GPCPD1: variants seen among roughly 807,000 people sequenced by gnomAD.
The protein encoded by GPCPD1 is glycerophosphocholine phosphodiesterase 1.
Under a neutral mutation model 89.2 loss-of-function variants are expected in GPCPD1, and 29 were observed. That is an observed-to-expected ratio of 0.33 (90% CI 0.24 to 0.44). The LOEUF is 0.44. Among genes scored for constraint, GPCPD1 ranks in the 20% least tolerant of loss-of-function variants. The pLI, the probability that GPCPD1 is intolerant of heterozygous loss-of-function variation, is 1.00. For synonymous variants in GPCPD1, 258 were observed against 266.3 expected, an observed-to-expected ratio of 0.97 and a Z score of 0.30; for missense variants, 594 against 808.9, an observed-to-expected ratio of 0.73 and a Z score of 3.22.
intron 19 of GPCPD1, among the ~76,000 whole-genome samples, chr20:5,551,134 G>C (rs770690236): frequency 3.3e-5 from 5 of 152,174 alleles, no homozygotes; most frequent in Non-Finnish European, 7.3e-5. Flanking sequence ...AGGCTACAGT[G>C]AGTGTAGAAC....
At chr20:5,566,912 C>T (rs530070746) in intron 13 of GPCPD1, 140 bp from the exon 14 acceptor site, 86 of 632,682 alleles carry the variant, frequency 1.4e-4, no homozygotes. Flanking sequence ...AGAATAAGCA[C>T]TAGCCACTAT....
At chr20:5,593,288 A>C (rs1328329605) in intron 4 of GPCPD1, 39 bp downstream of exon 4, 3 of 977,630 alleles carry the variant, frequency 3.1e-6, no homozygotes, top group Non-Finnish European at 4.9e-6. Flanking sequence ...TTTTGAAGGA[A>C]GTGCTAAAGG....
intron 3 of GPCPD1, among the ~76,000 whole-genome samples, chr20:5,598,250 A>G (rs1014237166): frequency 6.6e-6 from 1 of 151,974 alleles, no homozygotes; most frequent in Non-Finnish European, 1.5e-5. Context: ...CAAAAAAACA[A>G]CCACAATTAA....
chr20:5,592,732 TAACTTTTTTTCTTTTCTGAATATGAA>T (rs1313915634), intron 4 of GPCPD1, among the ~76,000 whole-genome samples: 2 of 152,140 alleles, frequency 1.3e-5, no homozygotes, highest in Non-Finnish European at 2.9e-5. Context: ...GGAAAATGAT[TAACTTTTTTTCTTTTCTGAATATGAA>T]AACAATCCCA....
At chr20:5,591,851 G>C (rs1377637489) in intron 4 of GPCPD1, among the ~76,000 whole-genome samples, 3 of 152,118 alleles carry the variant, frequency 2.0e-5, no homozygotes, top group Non-Finnish European at 4.4e-5. Flanking sequence ...GGCAGCCCCT[G>C]CATCACACGG....
chr20:5,568,457 T>A (rs1986526680), intron 12 of GPCPD1, among the ~76,000 whole-genome samples: 1 of 152,066 alleles, frequency 6.6e-6, no homozygotes, highest in Admixed American at 6.6e-5. Flanking sequence ...ATTGTTTTTA[T>A]AAGAAAAACA....
intron 2 of GPCPD1, among the ~76,000 whole-genome samples, chr20:5,600,894 G>A (rs1297951278): frequency 6.6e-6 from 1 of 152,064 alleles, no homozygotes; most frequent in Non-Finnish European, 1.5e-5. Flanking sequence ...GGAGGATGAA[G>A]CAGGAGAATC....
rs191485025 is a variant in GPCPD1, at chr20:5,598,919, C to G, written c.50-98G>C. On this transcript the variant is annotated intron_variant, in intron 2 of 19. Coordinates refer to ENST00000379019, the MANE Select transcript of GPCPD1 (RefSeq NM_019593.5). ...ATTAGTTCAACCAGATATGCTGCCC[C>G]CTTTAGCAGAGATGAAAGAGCCTCA... 5.4e-4 allele frequency: 414 copies of G among 761,366 alleles called. 1 individual carries two copies. In the East Asian group the frequency reaches 0.011, roughly 20 times the overall value. 47.2% of individuals were successfully genotyped at this position (761,366 alleles called of 1,614,324 possible).
chr20:5,580,053 G>C lies in GPCPD1; in HGVS notation c.428C>G (p.Pro143Arg), dbSNP rs1191772923. Reference protein sequence around the residue: ...IRLRLHYSEKPPVSITKKKLK... With the variant: ...IRLRLHYSEKRPVSITKKKLK... ...TTTTTTCTTGGTTATTGACACAGGA[G>C]GTTTTTCAGAATAATGCAAACGTAA... Residue 143 changes from proline (P) to arginine (R), a missense_variant, in exon 7 of 20, where the codon CCT becomes CGT. Physicochemically the swap from Pro to Arg is moderately radical, Grantham distance 103. Coordinates refer to ENST00000379019, the MANE Select transcript of GPCPD1 (RefSeq NM_019593.5). 6.6e-7 allele frequency: 1 copy of C among 1,521,236 alleles called. No individual in the cohort carries two copies. The highest frequency in any genetic ancestry group is 9.1e-7 in the Non-Finnish European group (1 of 1,096,440). The allele number at this position is 1,521,236 out of a possible 1,614,324, so 94.2% of individuals were successfully genotyped here.
In GPCPD1 at chr20:5,558,786, T is replaced by C; in HGVS notation, c.1566A>G (p.Leu522=). The change falls in exon 18 of 20, where the codon CTA becomes CTG. Residue 522 remains leucine (L), a synonymous_variant. Transcript: ENST00000379019. ...VRQKQNKYPI[L]FLTQGKSEIY... ...TCTCAGATTTTCCTTGAGTTAAAAA[T>C]AGTATCGGATATTTGTTCTGCTTTT... is the stretch of plus-strand genomic sequence containing the variant. 6.3e-7 allele frequency: 1 copy of C among 1,577,972 alleles called. No homozygotes were observed. Among genetic ancestry groups the C allele is most frequent in the Non-Finnish European group, 8.6e-7 (1 of 1,160,002 alleles).
intron 16 of GPCPD1, among the ~76,000 whole-genome samples, chr20:5,561,097 T>G (rs777216358): frequency 6.6e-6 from 1 of 152,234 alleles, no homozygotes; most frequent in Non-Finnish European, 1.5e-5. Flanking sequence ...CTAGCTACTG[T>G]TAACAACAGA....
chr20:5,558,971 G>A, intron 17 of GPCPD1, 152 bp from the exon 18 acceptor site: 1 of 561,948 alleles, frequency 1.8e-6, no homozygotes. Flanking sequence ...GGGAGGCCAA[G>A]GCGGGCAGAG....
chr20:5,559,125 C>G (rs1051248199), intron 17 of GPCPD1, among the ~76,000 whole-genome samples: 2 of 151,700 alleles, frequency 1.3e-5, no homozygotes, highest in African/African-American at 2.4e-5. Context: ...CACTTGAAAC[C>G]TGAAGGCAGA....
intron 12 of GPCPD1, among the ~76,000 whole-genome samples, chr20:5,569,877 GA>G (rs1379775018): frequency 6.6e-6 from 1 of 152,058 alleles, no homozygotes; most frequent in African/African-American, 2.4e-5. Flanking sequence ...AGCATAGACA[GA>G]CCGCTACAGA....
chr20:5,562,802 A>T, intron 15 of GPCPD1, among the ~76,000 whole-genome samples: 1 of 152,252 alleles, frequency 6.6e-6, no homozygotes, highest in South Asian at 2.1e-4. Context: ...TTTGTGTGGG[A>T]CTTTTTTAAT....
At chr20:5,563,713 C>T (rs770196599) in intron 15 of GPCPD1, among the ~76,000 whole-genome samples, 4 of 152,130 alleles carry the variant, frequency 2.6e-5, no homozygotes, top group Non-Finnish European at 4.4e-5. Context: ...ATGTTCATTG[C>T]AGGGGCTCTC....
chr20:5,556,217 CT>C (rs1255462071), intron 19 of GPCPD1, among the ~76,000 whole-genome samples: 15 of 151,532 alleles, frequency 9.9e-5, no homozygotes, highest in African/African-American at 3.4e-4. Context: ...ATAAACATAA[CT>C]TTTTTTTTAG....
chr20:5,561,728 A>G (rs1986093165), intron 15 of GPCPD1, among the ~76,000 whole-genome samples, 198 bp from the exon 16 acceptor site: 1 of 152,240 alleles, frequency 6.6e-6, no homozygotes, highest in South Asian at 2.1e-4. Flanking sequence ...AATAAGGTCA[A>G]AAGAAATTAA....
chr20:5,607,923 T>C (rs1217304216), intron 1 of GPCPD1, among the ~76,000 whole-genome samples: 1 of 152,158 alleles, frequency 6.6e-6, no homozygotes, highest in Non-Finnish European at 1.5e-5. Context: ...ACTTCAGTCT[T>C]AACCTTAACC....
Sources: gnomAD v4.1 joint callset for allele counts (sites outside exome capture counted in the v4.1 genomes callset) on GRCh38, gnomAD v4.1.1 for gene constraint, MANE v1.5 for transcripts, NCBI Gene and HGNC (gene_info 2026-07-23, HGNC 2026-07-21) for gene names.